The following NGF variants were observed in gnomAD, a reference collection of about 807,000 sequenced individuals.
The protein encoded by NGF is beta-nerve growth factor.
Under a neutral mutation model 12.8 loss-of-function variants are expected in NGF, and 4 were observed. The observed-to-expected ratio is 0.31, with a 90% confidence interval of 0.15 to 0.72. NGF has a LOEUF of 0.72. Ranked by LOEUF, NGF falls within the 30% of genes least tolerant of loss-of-function variation. The probability of loss-of-function intolerance (pLI) is 0.69; values close to 1 mark genes in which losing one functional copy is unlikely to be tolerated. For synonymous variants in NGF, 140 were observed against 130.0 expected (o/e 1.08, Z -0.52); for missense variants, 283 against 330.8 (o/e 0.86, Z 1.12).
intron 1 of NGF, among the ~76,000 whole-genome samples, chr1:115,295,057 A>C (rs184163392): frequency 6.6e-6 from 1 of 152,308 alleles, no homozygotes; most frequent in East Asian, 1.9e-4. Flanking sequence ...AACTTCAAAA[A>C]AATCTTCTCC....
At chr1:115,309,144 G>T (rs943679013) in intron 1 of NGF, among the ~76,000 whole-genome samples, 1 of 152,184 alleles carries the variant, frequency 6.6e-6, no homozygotes, top group Non-Finnish European at 1.5e-5. Flanking sequence ...GCCATTCTTT[G>T]CACTCTAATA....
Position 115,286,214 on chromosome 1 carries a change from T to C in NGF, c.582A>G (p.Ser194=). Residue 194 remains serine, a synonymous_variant, in exon 3 of 3, where the codon TCA becomes TCG. Coordinates refer to ENST00000369512, the MANE Select transcript of NGF (RefSeq NM_002506.3). ...PVDSGCRGID[S]KHWNSYCTTT... ...TGGTACAATATGAGTTCCAGTGCTT[T>C]GAGTCAATGCCCCGGCACCCGCTGT... The C allele has an allele frequency of 6.2e-7, 1 of 1,614,044 alleles. No individual in the cohort carries two copies. Among genetic ancestry groups the C allele is most frequent in the East Asian group, 2.2e-5 (1 of 44,876 alleles).
At chr1:115,333,647 C>G (rs58517044) in intron 1 of NGF, among the ~76,000 whole-genome samples, 23,919 of 149,654 alleles carry the variant, frequency 0.16, 2,105 homozygotes, top group East Asian at 0.31. Flanking sequence ...TTAAGACTTT[C>G]TTTCTTTCTC....
chr1:115,304,026 T>C (rs947824496), intron 1 of NGF, among the ~76,000 whole-genome samples: 2 of 152,208 alleles, frequency 1.3e-5, no homozygotes, highest in African/African-American at 4.8e-5. Context: ...AGATTTTTCT[T>C]TTCTTTTGTC....
intron 1 of NGF, among the ~76,000 whole-genome samples, chr1:115,334,221 C>A (rs979468758): frequency 6.6e-6 from 1 of 152,078 alleles, no homozygotes; most frequent in African/African-American, 2.4e-5. Flanking sequence ...TGTCAATGTG[C>A]ACTCATGTTG....
At chr1:115,307,239 G>T (rs1306640754) in intron 1 of NGF, among the ~76,000 whole-genome samples, 1 of 152,176 alleles carries the variant, frequency 6.6e-6, no homozygotes, top group Non-Finnish European at 1.5e-5. Context: ...GAACATTGGA[G>T]CTATAGTGGG....
At chr1:115,304,319 T>C (rs1654134283) in intron 1 of NGF, among the ~76,000 whole-genome samples, 3 of 146,754 alleles carry the variant, frequency 2.0e-5, no homozygotes, top group East Asian at 2.0e-4. Flanking sequence ...CGCACCACCA[T>C]GCTTGGCTAA....
chr1:115,333,651 CTTTCTCTTTCTT>C (rs1172950633), intron 1 of NGF, among the ~76,000 whole-genome samples: 2 of 148,780 alleles, frequency 1.3e-5, no homozygotes, highest in Non-Finnish European at 3.0e-5. Flanking sequence ...GACTTTCTTT[CTTTCTCTTTCTT>C]TCTTTCTTTC....
chr1:115,330,260 C>A (rs1654881159), intron 1 of NGF, among the ~76,000 whole-genome samples: 2 of 152,126 alleles, frequency 1.3e-5, no homozygotes. Context: ...AAGCCATTTG[C>A]TTGGAAAAGA....
At chr1:115,315,099 G>A (rs1365420683) in intron 1 of NGF, among the ~76,000 whole-genome samples, 1 of 152,156 alleles carries the variant, frequency 6.6e-6, no homozygotes, top group African/African-American at 2.4e-5. Context: ...CCTGTGGCTG[G>A]GGCAGAGTTT....
At chr1:115,303,480 C>T (rs1447104025) in intron 1 of NGF, among the ~76,000 whole-genome samples, 3 of 151,898 alleles carry the variant, frequency 2.0e-5, no homozygotes, top group Non-Finnish European at 4.4e-5. Flanking sequence ...TCACCATCAT[C>T]ACCACTACTT....
At chr1:115,297,482 C>A (rs1441421487) in intron 1 of NGF, among the ~76,000 whole-genome samples, 1 of 152,130 alleles carries the variant, frequency 6.6e-6, no homozygotes, top group East Asian at 1.9e-4. Context: ...CCTGGTAGAG[C>A]TAGAGGAGAG....
intron 1 of NGF, among the ~76,000 whole-genome samples, chr1:115,319,804 C>T (rs955014053): frequency 6.6e-6 from 1 of 152,122 alleles, no homozygotes; most frequent in African/African-American, 2.4e-5. Context: ...TAAGGAAGAA[C>T]AATGTCAGCC....
At chr1:115,295,788 T>C (rs745732134) in intron 1 of NGF, among the ~76,000 whole-genome samples, 5 of 152,132 alleles carry the variant, frequency 3.3e-5, no homozygotes, top group Non-Finnish European at 7.4e-5. Flanking sequence ...TGCTACTAGA[T>C]GCTTAAGTAG....
At chr1:115,323,904 G>C (rs1654697053) in intron 1 of NGF, among the ~76,000 whole-genome samples, 1 of 152,174 alleles carries the variant, frequency 6.6e-6, no homozygotes, top group South Asian at 2.1e-4. Flanking sequence ...AACAGTGACA[G>C]GATGGCCAGA....
At chr1:115,328,421 G>A (rs1483004347) in intron 1 of NGF, among the ~76,000 whole-genome samples, 1 of 152,156 alleles carries the variant, frequency 6.6e-6, no homozygotes, top group East Asian at 1.9e-4. Flanking sequence ...TGCCCATTGG[G>A]TTGAGGGCTG....
chr1:115,333,718 CTTTCTTTCCTTCT>C (rs1557949360), intron 1 of NGF, among the ~76,000 whole-genome samples: 14 of 112,104 alleles, frequency 1.2e-4, no homozygotes, highest in South Asian at 9.3e-4. Context: ...TCTTTCTTTT[CTTTCTTTCCTTCT>C]TTCTTTCTTT....
intron 1 of NGF, among the ~76,000 whole-genome samples, chr1:115,305,079 T>C (rs990576222): frequency 2.0e-5 from 3 of 152,190 alleles, no homozygotes; most frequent in African/African-American, 4.8e-5. Flanking sequence ...TGTATGAAAT[T>C]AAATGTAATA....
chr1:115,298,369 G>T (rs1653935188), intron 1 of NGF, among the ~76,000 whole-genome samples: 1 of 152,164 alleles, frequency 6.6e-6, no homozygotes, highest in African/African-American at 2.4e-5. Flanking sequence ...TACTAGAAAA[G>T]ATTTCAAATT....
Sources: gnomAD v4.1 joint callset for allele counts (sites outside exome capture counted in the v4.1 genomes callset) on GRCh38, gnomAD v4.1.1 for gene constraint, MANE v1.5 for transcripts, NCBI Gene and HGNC (gene_info 2026-07-23, HGNC 2026-07-21) for gene names.